The following SORCS1 variants were observed in gnomAD, a reference collection of about 807,000 sequenced individuals.
The protein encoded by SORCS1 is VPS10 domain-containing receptor SorCS1.
In SORCS1, 60 loss-of-function variants were observed where a neutral mutation model predicts 146.1. The ratio of observed to expected loss-of-function variants is 0.41; its 90% CI spans 0.33 to 0.51. The LOEUF is 0.51. Among genes scored for constraint, SORCS1 ranks in the 20% least tolerant of loss-of-function variants. The pLI is 0.21. For synonymous variants in SORCS1, 637 were observed against 584.0 expected, an observed-to-expected ratio of 1.09 and a Z score of -1.31; for missense variants, 1,352 against 1,487.6, an observed-to-expected ratio of 0.91 and a Z score of 1.50.
intron 2 of SORCS1, among the ~76,000 whole-genome samples, chr10:106,857,286 C>A (rs1223424247): frequency 6.6e-6 from 1 of 152,202 alleles, no homozygotes; most frequent in Non-Finnish European, 1.5e-5. Context: ...CCATCTCCTT[C>A]CCTACCCAAA....
At chr10:107,104,381 T>C (rs1965156571) in intron 1 of SORCS1, among the ~76,000 whole-genome samples, 1 of 152,156 alleles carries the variant, frequency 6.6e-6, no homozygotes, top group African/African-American at 2.4e-5. Flanking sequence ...AAATTGAATA[T>C]GTTTGGCTTG....
At chr10:106,878,650 T>TATATATATATATATATATATATATA (rs1344451408) in intron 2 of SORCS1, among the ~76,000 whole-genome samples, 1 of 66,830 alleles carries the variant, frequency 1.5e-5, no homozygotes, top group African/African-American at 5.6e-5. Context: ...ATATATATAT[T>TATATATATATATATATATATATATA]TTATAGCAGC....
chr10:106,847,912 T>C (rs1249964903), intron 2 of SORCS1, among the ~76,000 whole-genome samples: 3 of 150,850 alleles, frequency 2.0e-5, no homozygotes, highest in South Asian at 2.1e-4. Flanking sequence ...AGATTCTTAA[T>C]CCTGAATTCT....
At chr10:107,123,277 C>T (rs1230262062) in intron 1 of SORCS1, among the ~76,000 whole-genome samples, 4 of 152,086 alleles carry the variant, frequency 2.6e-5, no homozygotes, top group African/African-American at 9.7e-5. Flanking sequence ...ATGTTGAAAG[C>T]TTAGACTAGA....
chr10:107,082,670 C>G (rs1963420174), intron 1 of SORCS1, among the ~76,000 whole-genome samples: 1 of 151,938 alleles, frequency 6.6e-6, no homozygotes, highest in Non-Finnish European at 1.5e-5. Context: ...TTGGTAGATA[C>G]CGGGTTTCAC....
chr10:106,597,280 A>C, intron 24 of SORCS1, 71 bp downstream of exon 24: 1 of 1,236,306 alleles, frequency 8.1e-7, no homozygotes, highest in African/African-American at 1.5e-5. Context: ...CCTTTTTATG[A>C]GGAAGGAAGC....
At chr10:106,889,731 C>G (rs185656435) in intron 2 of SORCS1, among the ~76,000 whole-genome samples, 1 of 152,006 alleles carries the variant, frequency 6.6e-6, no homozygotes, top group African/African-American at 2.4e-5. Flanking sequence ...AACCCTGTCT[C>G]TACTAAAAGT....
chr10:107,005,301 G>A (rs935088862), intron 1 of SORCS1, among the ~76,000 whole-genome samples: 2 of 149,714 alleles, frequency 1.3e-5, no homozygotes, highest in African/African-American at 2.5e-5. Flanking sequence ...TCCAGGCTGG[G>A]TGAGACAGAA....
intron 1 of SORCS1, among the ~76,000 whole-genome samples, chr10:107,162,261 T>A (rs575531823): frequency 6.6e-6 from 1 of 152,346 alleles, no homozygotes; most frequent in South Asian, 2.1e-4. Flanking sequence ...AGAAACATTC[T>A]GAGTCCAAAG....
intron 6 of SORCS1, among the ~76,000 whole-genome samples, chr10:106,719,588 T>G (rs909629243): frequency 6.6e-6 from 1 of 152,100 alleles, no homozygotes; most frequent in African/African-American, 2.4e-5. Flanking sequence ...ACTTTTTGTA[T>G]TTTTAGTAGA....
In SORCS1 at chr10:107,060,120, T is replaced by TCA. The variant is rs369094863; in HGVS notation, c.559-103542_559-103541dup. ...CTGACAAATCGCCTGCCAGACCTCA[T>TCA]CACACACACACACACACAGTATCCC... On this transcript the variant is annotated intron_variant, in intron 1 of 25. Coordinates refer to ENST00000263054, the MANE Select transcript of SORCS1 (RefSeq NM_052918.5). The surrounding 1 kb of genome is among the most constrained non-coding windows in gnomAD (Gnocchi z 4.1). Among the ~76,000 whole-genome samples the TCA allele has an allele frequency of 0.013, 2,005 of 149,710 alleles. 21 individuals are homozygous for TCA. The highest frequency in any genetic ancestry group is 0.032 in the South Asian group (149 of 4,730).
intron 1 of SORCS1, among the ~76,000 whole-genome samples, chr10:107,125,476 ATG>A (rs1214981799): frequency 6.6e-6 from 1 of 152,236 alleles, no homozygotes; most frequent in Non-Finnish European, 1.5e-5. Flanking sequence ...TGTCAGGAGC[ATG>A]GATATTCACT....
chr10:106,615,774 T>C (rs1847320644), intron 21 of SORCS1, among the ~76,000 whole-genome samples: 1 of 152,158 alleles, frequency 6.6e-6, no homozygotes, highest in Non-Finnish European at 1.5e-5. Flanking sequence ...CGAAGAGACA[T>C]ATGATAACCT....
At chr10:106,842,178 G>GT (rs1949075844) in intron 2 of SORCS1, among the ~76,000 whole-genome samples, 1 of 151,996 alleles carries the variant, frequency 6.6e-6, no homozygotes, top group Non-Finnish European at 1.5e-5. Flanking sequence ...GACATACGAG[G>GT]TTTAACATAT....
chr10:106,676,892 C>T (rs1170890042), intron 13 of SORCS1, among the ~76,000 whole-genome samples: 1 of 152,174 alleles, frequency 6.6e-6, no homozygotes, highest in African/African-American at 2.4e-5. Context: ...GACATCTGGA[C>T]AATGAGAAGC....
chr10:107,018,124 T>C (rs893048818), intron 1 of SORCS1, among the ~76,000 whole-genome samples: 1 of 152,094 alleles, frequency 6.6e-6, no homozygotes, highest in Non-Finnish European at 1.5e-5. Context: ...TCCCCCTAGT[T>C]GATTTTCATT....
At position 106,579,410 on chromosome 10, in the gene SORCS1, C is replaced by T; in HGVS notation, c.3330G>A (p.Val1110=). 2 of 1,614,020 alleles carry T rather than the reference C, an allele frequency of 1.2e-6. No individual in the cohort carries two copies. The highest frequency in any genetic ancestry group is 1.7e-6 in the Non-Finnish European group (2 of 1,179,992). Reference sequence around the variant, plus strand: ...TGACGAACACTGCCAGCCCCACAAACACCACTGAGAGCAGCATCAGCATGG... The same window carrying T: ...TGACGAACACTGCCAGCCCCACAAATACCACTGAGAGCAGCATCAGCATGG... ...GSAMLMLLSV[V]FVGLAVFVIY... Residue 1110 remains valine, a synonymous_variant, in exon 25 of 26, where the codon GTG becomes GTA. Transcript: ENST00000263054.
rs546398358 is a variant in SORCS1, at chr10:106,968,676, T to C, written c.559-12096A>G. Among the ~76,000 whole-genome samples the C allele has an allele frequency of 5.9e-5, 9 of 152,368 alleles. No individual in the cohort carries two copies. The South Asian group carries it at 1.9e-3, about 32-fold the overall frequency. On this transcript the variant is annotated intron_variant, in intron 1 of 25. Transcript: ENST00000263054. ...AGCCAATAAATAATGCTATGCATATTACTGTGTTCCAAGTGTCAGAACATA... is the reference window on the plus strand; with the variant it reads ...AGCCAATAAATAATGCTATGCATATCACTGTGTTCCAAGTGTCAGAACATA...
intron 3 of SORCS1, among the ~76,000 whole-genome samples, chr10:106,814,222 A>G (rs1399468667): frequency 6.6e-6 from 1 of 152,260 alleles, no homozygotes; most frequent in East Asian, 1.9e-4. Context: ...ATTATTTTAC[A>G]TAAGGCAACT....
Sources: gnomAD v4.1 joint callset for allele counts (sites outside exome capture counted in the v4.1 genomes callset) on GRCh38, gnomAD v4.1.1 for gene constraint, Gnocchi (gnomAD v3.1) non-coding constraint, MANE v1.5 for transcripts, NCBI Gene and HGNC (gene_info 2026-07-23, HGNC 2026-07-21) for gene names.